CTNNA2: variants seen among roughly 807,000 people sequenced by gnomAD.
CTNNA2 encodes the protein catenin alpha 2.
Under a neutral mutation model 101.0 loss-of-function variants are expected in CTNNA2, and 42 were observed. The ratio of observed to expected loss-of-function variants is 0.42; its 90% CI spans 0.32 to 0.54. CTNNA2 has a LOEUF of 0.54. Among genes scored for constraint, CTNNA2 ranks in the 20% least tolerant of loss-of-function variants. The pLI is 0.14. For missense variants in CTNNA2, 871 were observed against 1,223.1 expected (o/e 0.71, Z 4.29); for synonymous variants, 450 against 456.4 (o/e 0.99, Z 0.18).
chr2:79,940,594 A>T (rs775564834), intron 7 of CTNNA2, among the ~76,000 whole-genome samples: 5 of 152,168 alleles, frequency 3.3e-5, no homozygotes, highest in Non-Finnish European at 7.3e-5. Context: ...GGACCCAGGC[A>T]TCCATGTGTG....
At chr2:79,352,329 A>G (rs944674909) in intron 3 of CTNNA2, among the ~76,000 whole-genome samples, 7 of 152,090 alleles carry the variant, frequency 4.6e-5, no homozygotes, top group African/African-American at 1.4e-4. Flanking sequence ...GTGTATCTCC[A>G]GGAATTTATC....
intron 3 of CTNNA2, among the ~76,000 whole-genome samples, chr2:79,344,662 T>C (rs1190541958): frequency 1.3e-5 from 2 of 151,892 alleles, no homozygotes; most frequent in Admixed American, 6.6e-5. Flanking sequence ...CCTTCTAGAT[T>C]AATGCTGAAA....
chr2:79,823,085 GATGCTCCC>G, intron 3 of CTNNA2, among the ~76,000 whole-genome samples: 1 of 152,284 alleles, frequency 6.6e-6, no homozygotes, highest in East Asian at 1.9e-4. Flanking sequence ...ACCTGGGTCA[GATGCTCCC>G]ATCATAGCAT....
intron 6 of CTNNA2, among the ~76,000 whole-genome samples, chr2:79,898,270 AT>A (rs1357424150): frequency 6.6e-6 from 1 of 151,810 alleles, no homozygotes; most frequent in Non-Finnish European, 1.5e-5. Context: ...AGTAGCTGGG[AT>A]TATAGGTGCC....
At chr2:79,983,192 T>G (rs1452522982) in intron 7 of CTNNA2, among the ~76,000 whole-genome samples, 1 of 149,204 alleles carries the variant, frequency 6.7e-6, no homozygotes, top group African/African-American at 2.4e-5. Context: ...GTTTTATATA[T>G]TCATATACCT....
rs781414965 is a variant in CTNNA2 at position 79,187,270 on chromosome 2, C to CTTTTTTTTTTTTTTTTTTTTTTTTT, written c.-524+1856_-524+1857insTTTTTTTTTTTTTTTTTTTTTTTTT. ...CTTTTCTTTTCTTTTCTTTTCTTTT[C>CTTTTTTTTTTTTTTTTTTTTTTTTT]TTTTTTTTTTTTTTTTTGAGACAGA... On this transcript the variant is annotated intron_variant, in intron 1 of 21. Transcript: ENST00000466387. Among the ~76,000 whole-genome samples the CTTTTTTTTTTTTTTTTTTTTTTTTT allele has an allele frequency of 2.8e-4, 18 of 65,440 alleles. 1 individual carries two copies. The highest frequency in any genetic ancestry group is 3.4e-4 in the Non-Finnish European group (12 of 35,634). The allele number at this position is 65,440 out of a possible 152,430, so 42.9% of individuals were successfully genotyped here.
chr2:80,439,301 A>C (rs1386052714), intron 9 of CTNNA2, among the ~76,000 whole-genome samples: 1 of 152,150 alleles, frequency 6.6e-6, no homozygotes, highest in Non-Finnish European at 1.5e-5. Flanking sequence ...TAATGTTAGG[A>C]TATTTGCAAA....
chr2:79,733,519 C>T (rs1378297135), intron 2 of CTNNA2, among the ~76,000 whole-genome samples: 1 of 151,678 alleles, frequency 6.6e-6, no homozygotes, highest in African/African-American at 2.4e-5. Flanking sequence ...TGTGTGAAAA[C>T]TAGAAAATTT....
chr2:80,298,037 T>A (rs999136639), intron 7 of CTNNA2: 9 of 149,678 alleles, frequency 6.0e-5, no homozygotes, highest in African/African-American at 1.7e-4. Flanking sequence ...ATATTATATA[T>A]TATATATATA....
chr2:79,920,820 G>A (rs980848360), intron 7 of CTNNA2, among the ~76,000 whole-genome samples: 1 of 152,204 alleles, frequency 6.6e-6, no homozygotes, highest in African/African-American at 2.4e-5. Context: ...AGAGATAAAA[G>A]TGATGCAAAG....
chr2:80,518,078 T>C (rs1689242912), intron 9 of CTNNA2, among the ~76,000 whole-genome samples: 1 of 152,234 alleles, frequency 6.6e-6, no homozygotes. Flanking sequence ...GGAAATGCTG[T>C]CCTTCACTCA....
At chr2:79,629,579 T>C (rs1558784623) in intron 1 of CTNNA2, among the ~76,000 whole-genome samples, 1 of 152,008 alleles carries the variant, frequency 6.6e-6, no homozygotes, top group Non-Finnish European at 1.5e-5. Context: ...AAAGGAAAGG[T>C]CAGACAGGTT....
At chr2:80,068,208 C>G (rs1376275224) in intron 7 of CTNNA2, among the ~76,000 whole-genome samples, 1 of 152,176 alleles carries the variant, frequency 6.6e-6, no homozygotes, top group Non-Finnish European at 1.5e-5. Flanking sequence ...CAAAGAGCAA[C>G]CTCACAACCT....
intron 9 of CTNNA2, among the ~76,000 whole-genome samples, chr2:80,524,032 A>G (rs915852139): frequency 6.6e-6 from 1 of 152,164 alleles, no homozygotes; most frequent in African/African-American, 2.4e-5. Context: ...GAGTTGTCAT[A>G]CCTGCCTGTG....
chr2:79,767,825 C>A (rs890836784), intron 3 of CTNNA2, among the ~76,000 whole-genome samples: 12 of 151,296 alleles, frequency 7.9e-5, no homozygotes, highest in African/African-American at 2.9e-4. Context: ...GCAAAGTCTT[C>A]CCCACTCTTT....
intron 4 of CTNNA2, among the ~76,000 whole-genome samples, chr2:79,484,491 G>A (rs1671139726): frequency 6.6e-6 from 1 of 152,140 alleles, no homozygotes; most frequent in South Asian, 2.1e-4. Flanking sequence ...AAGCAATTAG[G>A]TAAAAATTTA....
At chr2:79,484,350 G>T (rs937193217) in intron 4 of CTNNA2, among the ~76,000 whole-genome samples, 3 of 152,156 alleles carry the variant, frequency 2.0e-5, no homozygotes, top group African/African-American at 7.2e-5. Flanking sequence ...CATGTAGATT[G>T]CCAATCCCTT....
chr2:80,258,547 T>C (rs1299799892), intron 7 of CTNNA2, among the ~76,000 whole-genome samples: 3 of 152,058 alleles, frequency 2.0e-5, no homozygotes, highest in Admixed American at 2.0e-4. Context: ...TCGAGACATA[T>C]AGTCAAGCTA....
At chr2:79,203,206 A>G (rs1364834998) in intron 2 of CTNNA2, among the ~76,000 whole-genome samples, 2 of 152,128 alleles carry the variant, frequency 1.3e-5, no homozygotes, top group Non-Finnish European at 2.9e-5. Flanking sequence ...GCAGTCCCCA[A>G]ATCTCCAAAA....
Sources: gnomAD v4.1 joint callset for allele counts (sites outside exome capture counted in the v4.1 genomes callset) on GRCh38, gnomAD v4.1.1 for gene constraint, MANE v1.5 for transcripts, NCBI Gene and HGNC (gene_info 2026-07-23, HGNC 2026-07-21) for gene names.